LRBA: variants seen among roughly 807,000 people sequenced by gnomAD.
LRBA encodes the protein lipopolysaccharide-responsive and beige-like anchor protein.
Under a neutral mutation model 330.0 loss-of-function variants are expected in LRBA, and 176 were observed. That is an observed-to-expected ratio of 0.53 (90% confidence interval 0.47 to 0.60). The LOEUF (loss-of-function observed/expected upper bound fraction) is 0.60. Among genes scored for constraint, LRBA ranks in the 20% least tolerant of loss-of-function variants. The probability of loss-of-function intolerance (pLI) is 0.00; values close to 1 mark genes in which losing one functional copy is unlikely to be tolerated. For synonymous variants in LRBA, 1,230 were observed against 1,193.0 expected (o/e 1.03, Z -0.64); for missense variants, 3,259 against 3,444.8 (o/e 0.95, Z 1.35).
At chr4:150,334,479 TTGTA>T (rs1236810842) in intron 48 of LRBA, among the ~76,000 whole-genome samples, 3 of 152,092 alleles carry the variant, frequency 2.0e-5, no homozygotes, top group Non-Finnish European at 4.4e-5. Context: ...AAAGTCAAGT[TTGTA>T]TGTTATATAT....
chr4:150,889,696 A>G (rs1470175704), intron 17 of LRBA, among the ~76,000 whole-genome samples: 4 of 152,118 alleles, frequency 2.6e-5, no homozygotes, highest in African/African-American at 4.8e-5. Context: ...TTGTGGAAAA[A>G]CTGTCTTCCA....
intron 40 of LRBA, among the ~76,000 whole-genome samples, chr4:150,558,051 C>A (rs1484916649): frequency 6.6e-6 from 1 of 152,144 alleles, no homozygotes; most frequent in Admixed American, 6.5e-5. Context: ...GCACATACCA[C>A]CATAACCAGC....
chr4:150,567,183 T>C (rs1769246682), intron 40 of LRBA, among the ~76,000 whole-genome samples: 1 of 152,108 alleles, frequency 6.6e-6, no homozygotes, highest in Non-Finnish European at 1.5e-5. Context: ...TAATAACAAC[T>C]GCTACTTGGC....
chr4:150,611,894 G>A (rs1433917157), intron 37 of LRBA, among the ~76,000 whole-genome samples: 2 of 151,376 alleles, frequency 1.3e-5, no homozygotes, highest in East Asian at 1.9e-4. Context: ...ATTTCTACGC[G>A]CTCTCTCTCT....
intron 2 of LRBA, among the ~76,000 whole-genome samples, chr4:150,958,323 T>A (rs371831094): frequency 8.0e-5 from 12 of 149,342 alleles, no homozygotes; most frequent in Middle Eastern, 3.4e-3. Context: ...GCTTTCACCC[T>A]CTGAAGCAAT....
chr4:150,487,900 G>T, intron 41 of LRBA, 66 bp from the exon 42 acceptor site: 2 of 752,742 alleles, frequency 2.7e-6, no homozygotes, highest in South Asian at 4.1e-5. Context: ...CTGACTCCTT[G>T]GTCCAATAAA....
At position 150,583,858 on chromosome 4, in the gene LRBA, C is replaced by G. The variant is rs1466311111; in HGVS notation, c.6330+4190G>C. 10 of 1,614,034 alleles carry G rather than the reference C, an allele frequency of 6.2e-6. No individual in the cohort carries two copies. The highest frequency in any genetic ancestry group is 8.5e-6 in the Non-Finnish European group (10 of 1,180,010). On this transcript the variant is annotated intron_variant, in intron 40 of 56. Coordinates refer to ENST00000651943, the MANE Select transcript of LRBA (RefSeq NM_001364905.1). The surrounding 1 kb of genome is among the most constrained non-coding windows in gnomAD (Gnocchi z 9.8). ...GCTCAACAACTACCACATGAAGACG[C>G]TGCTGCTGTACGAGTGCGAGAAACA...
At chr4:150,373,690 A>G (rs1250788467) in intron 47 of LRBA, among the ~76,000 whole-genome samples, 1 of 152,144 alleles carries the variant, frequency 6.6e-6, no homozygotes, top group Non-Finnish European at 1.5e-5. Context: ...TCAATTACAC[A>G]GCTGCCACAC....
At chr4:150,833,528 T>G (rs1262387990) in intron 28 of LRBA, among the ~76,000 whole-genome samples, 1 of 152,106 alleles carries the variant, frequency 6.6e-6, no homozygotes, top group African/African-American at 2.4e-5. Flanking sequence ...AGTTTCCGAG[T>G]GTATATAAAA....
intron 40 of LRBA, chr4:150,581,031 C>T (rs530535022): frequency 1.9e-5 from 3 of 155,706 alleles, no homozygotes; most frequent in Non-Finnish European, 4.3e-5. Context: ...TTTAGGTTTA[C>T]ATTTACTTGC....
intron 4 of LRBA, among the ~76,000 whole-genome samples, chr4:150,927,143 G>A (rs1376370648): frequency 6.6e-6 from 1 of 151,646 alleles, no homozygotes; most frequent in Non-Finnish European, 1.5e-5. Context: ...GGGAGGCCAA[G>A]GCGGGCAGAT....
chr4:150,770,759 G>C (rs779241172), intron 34 of LRBA, among the ~76,000 whole-genome samples: 1 of 152,036 alleles, frequency 6.6e-6, no homozygotes, highest in African/African-American at 2.4e-5. Flanking sequence ...ACCTCAGCTG[G>C]TCCTGGTACT....
chr4:150,748,359 G>T (rs1390126180), intron 35 of LRBA, among the ~76,000 whole-genome samples: 1 of 152,048 alleles, frequency 6.6e-6, no homozygotes, highest in Non-Finnish European at 1.5e-5. Context: ...GGGAAAGCTG[G>T]ATATCAACAT....
At chr4:150,536,739 T>A (rs28533051) in intron 40 of LRBA, among the ~76,000 whole-genome samples, 10,219 of 152,182 alleles carry the variant, frequency 0.067, 560 homozygotes, top group East Asian at 0.18. Flanking sequence ...AAGAACACAA[T>A]CCCATTTATA....
chr4:150,611,364 A>C (rs1190175960), intron 37 of LRBA, among the ~76,000 whole-genome samples: 2 of 152,186 alleles, frequency 1.3e-5, no homozygotes, highest in African/African-American at 4.8e-5. Context: ...TGATTCAGTT[A>C]CTAAGAAATA....
chr4:150,480,190 A>G (rs1252250212), intron 42 of LRBA, among the ~76,000 whole-genome samples: 1 of 152,144 alleles, frequency 6.6e-6, no homozygotes, highest in African/African-American at 2.4e-5. Context: ...TGCTACTTCA[A>G]TGTAGTCCCA....
intron 34 of LRBA, among the ~76,000 whole-genome samples, chr4:150,775,805 GAAAAAA>G (rs35161747): frequency 0.053 from 3,165 of 59,998 alleles, 90 homozygotes; most frequent in African/African-American, 0.17. Context: ...AAGAAAGAAT[GAAAAAA>G]AAAAAAAAAA....
At chr4:150,814,891 A>C (rs1443753664) in intron 31 of LRBA, among the ~76,000 whole-genome samples, 1 of 152,026 alleles carries the variant, frequency 6.6e-6, no homozygotes, top group Non-Finnish European at 1.5e-5. Context: ...TTAAATTACA[A>C]TGAATTTATT....
At chr4:150,515,452 T>C (rs1471911341) in intron 40 of LRBA, among the ~76,000 whole-genome samples, 2 of 152,158 alleles carry the variant, frequency 1.3e-5, no homozygotes, top group Non-Finnish European at 2.9e-5. Flanking sequence ...ATATTAGCTA[T>C]GTGATCTGGG....
Sources: allele counts gnomAD v4.1 joint callset (sites outside exome capture counted in the v4.1 genomes callset), GRCh38; gene constraint gnomAD v4.1.1; non-coding constraint Gnocchi (gnomAD v3.1); transcripts MANE v1.5; gene names NCBI Gene and HGNC (gene_info 2026-07-23, HGNC 2026-07-21).